Variants in ABCD3 observed in about 807,000 individuals in gnomAD.
ABCD3 encodes ATP binding cassette subfamily D member 3.
Under a neutral mutation model 105.5 loss-of-function variants are expected in ABCD3, and 41 were observed. That is an observed-to-expected ratio of 0.39 (90% CI 0.30 to 0.50). ABCD3 has a LOEUF of 0.50. ABCD3 is among the 20% of genes least tolerant of loss of function. ABCD3 has a pLI of 0.84. For synonymous variants in ABCD3, 258 were observed against 269.0 expected (o/e 0.96, Z 0.40); for missense variants, 622 against 806.3 (o/e 0.77, Z 2.77).
chr1:94,499,105 T>G, intron 19 of ABCD3, 71 bp downstream of exon 19: 1 of 1,351,804 alleles, frequency 7.4e-7, no homozygotes, highest in Non-Finnish European at 1.1e-6. Context: ...ATTAAGTATT[T>G]TAAATGCCAG....
At chr1:94,423,744 CCCTGTTG>C (rs1235174748) in intron 1 of ABCD3, among the ~76,000 whole-genome samples, 1 of 152,044 alleles carries the variant, frequency 6.6e-6, no homozygotes, top group African/African-American at 2.4e-5. Context: ...TGAGTCTCAG[CCCTGTTG>C]CCTGCTGCTG....
At chr1:94,391,619 G>C in the ABCD3 span, among the ~76,000 whole-genome samples, 1 of 152,052 alleles carries the variant, frequency 6.6e-6, no homozygotes, top group African/African-American at 2.4e-5. Flanking sequence ...AATAATGAGT[G>C]CTCCTTAGCA....
the ABCD3 span, among the ~76,000 whole-genome samples, chr1:94,400,357 T>C: frequency 6.7e-6 from 1 of 149,868 alleles, no homozygotes; most frequent in African/African-American, 2.5e-5. Flanking sequence ...TGAGCCGAGA[T>C]CGCGCCACTG....
At chr1:94,479,777 A>AG (rs1243574136) in intron 8 of ABCD3, among the ~76,000 whole-genome samples, 1 of 152,020 alleles carries the variant, frequency 6.6e-6, no homozygotes, top group Non-Finnish European at 1.5e-5. Context: ...TAGGGTATAT[A>AG]GGGGAATGAG....
At position 94,428,762 on chromosome 1, in the gene ABCD3, C is replaced by CT. The variant is rs371061462; in HGVS notation, c.110+10184dup. On this transcript the variant is annotated intron_variant, in intron 1 of 22. Coordinates refer to ENST00000370214, the MANE Select transcript of ABCD3 (RefSeq NM_002858.4). ...TGTGGAACTGTGAGTCCAATTGAAC[C>CT]TTTTTTTTTTGTAAAGTGCCCAGTC... is the stretch of plus-strand genomic sequence containing the variant. 8.5e-3 allele frequency among the ~76,000 whole-genome samples: 1,265 copies of CT among 148,618 alleles called. 14 individuals are homozygous for CT. The highest frequency in any genetic ancestry group is 0.03 in the African/African-American group (1,203 of 40,568).
chr1:94,406,506 G>A, the ABCD3 span: 1 of 398,256 alleles, frequency 2.5e-6, no homozygotes, highest in South Asian at 2.1e-5. Context: ...TTGAATCCAG[G>A]TACCTTTCTC....
At chr1:94,394,325 A>C in the ABCD3 span, among the ~76,000 whole-genome samples, 1 of 152,230 alleles carries the variant, frequency 6.6e-6, no homozygotes, top group Non-Finnish European at 1.5e-5. Context: ...GAGAGTTGAC[A>C]TAGCCCTGTA....
At chr1:94,509,450 T>C (rs1650544956) in intron 21 of ABCD3, among the ~76,000 whole-genome samples, 1 of 152,164 alleles carries the variant, frequency 6.6e-6, no homozygotes. Context: ...AAAATTCTCT[T>C]TTTTTGGTTG....
rs1311089167 is a variant in ABCD3, at chr1:94,473,907, C to G, written c.405+72C>G. 4 of 1,209,908 alleles carry G rather than the reference C, an allele frequency of 3.3e-6. No homozygotes were observed. In the East Asian group the frequency reaches 9.9e-5, roughly 30 times the overall value. The allele number at this position is 1,209,908 out of a possible 1,614,324, so 74.9% of individuals were successfully genotyped here. ...CTTATTAAAATCTTTAAGGGTTTTA[C>G]TTATTAAATTCTTTAAAGACTTATG... On this transcript the variant is annotated intron_variant, in intron 5 of 22. Transcript: ENST00000370214.
chr1:94,446,052 A>AC (rs1660334055), intron 1 of ABCD3, among the ~76,000 whole-genome samples: 2 of 152,216 alleles, frequency 1.3e-5, no homozygotes, highest in African/African-American at 4.8e-5. Flanking sequence ...AAAAGAATGT[A>AC]GAAAAAATCA....
chr1:94,488,351 G>A (rs569698676), intron 13 of ABCD3, among the ~76,000 whole-genome samples: 1 of 151,570 alleles, frequency 6.6e-6, no homozygotes, highest in African/African-American at 2.4e-5. Flanking sequence ...CTTAGATACC[G>A]GCAACCTAGC....
the ABCD3 span, chr1:94,406,481 A>G: frequency 2.4e-6 from 1 of 423,308 alleles, no homozygotes; most frequent in Non-Finnish European, 4.7e-6. Flanking sequence ...TGGGTGGAAC[A>G]GGCTGGCGCT....
intron 1 of ABCD3, among the ~76,000 whole-genome samples, chr1:94,453,511 G>A (rs959732674): frequency 1.3e-5 from 2 of 151,452 alleles, no homozygotes; most frequent in African/African-American, 4.8e-5. Flanking sequence ...GTAGAGATGG[G>A]GTTTCACCTT....
chr1:94,418,546 T>C lies in ABCD3; in HGVS notation c.68T>C (p.Leu23Pro). The change falls in exon 1 of 23, where the codon CTC becomes CCC. Residue 23 changes from leucine to proline, a missense_variant. This residue lies in a region of ABCD3 where 89 missense variants were observed against 77.5 expected (regional missense o/e 1.15). Transcript: ENST00000370214. ...CTGGCTGGTGCCGCGTTCCTGCTGC[T>C]CTGCCTGCTCCACAAGCGGCGCCGC... is the stretch of plus-strand genomic sequence containing the variant. ...SSLAGAAFLL[L>P]CLLHKRRRAL... The C allele has an allele frequency of 6.2e-7, 1 of 1,605,088 alleles. No homozygotes were observed. Among genetic ancestry groups the C allele is most frequent in the Non-Finnish European group, 8.5e-7 (1 of 1,179,232 alleles).
intron 11 of ABCD3, 30 bp from the exon 12 acceptor site, chr1:94,487,664 C>G: frequency 6.2e-7 from 1 of 1,612,796 alleles, no homozygotes; most frequent in East Asian, 2.2e-5. Flanking sequence ...AATACTGTTA[C>G]TGTTTTAAAT....
rs71094302 is a variant in ABCD3, at chr1:94,496,694, G to GTTTT, written c.1387-1882_1387-1879dup. Among the ~76,000 whole-genome samples the GTTTT allele has an allele frequency of 7.4e-4, 29 of 39,370 alleles. 1 individual carries two copies. Among genetic ancestry groups the GTTTT allele is most frequent in the East Asian group, 1.1e-3 (1 of 928 alleles). 25.8% of individuals were successfully genotyped at this position (39,370 alleles called of 152,430 possible). A position where few individuals can be genotyped will look rare whatever the true frequency, so the allele number is the denominator to read the frequency against. On this transcript the variant is annotated intron_variant, in intron 16 of 22. Coordinates refer to ENST00000370214, the MANE Select transcript of ABCD3 (RefSeq NM_002858.4). Reference sequence around the variant, plus strand: ...CTTCAGTAAAATCAGCCTTGTTTCTGTTTTTTTTTTTTTTTTTTTTTTTTT... The same window carrying GTTTT: ...CTTCAGTAAAATCAGCCTTGTTTCTGTTTTTTTTTTTTTTTTTTTTTTTTTTTTT...
the ABCD3 span, among the ~76,000 whole-genome samples, chr1:94,390,577 A>G: frequency 1.3e-5 from 2 of 152,270 alleles, no homozygotes; most frequent in South Asian, 4.1e-4. Flanking sequence ...TGCTGGGATT[A>G]CAGGTGTGTG....
At chr1:94,407,094 G>A in the ABCD3 span, among the ~76,000 whole-genome samples, 1 of 151,964 alleles carries the variant, frequency 6.6e-6, no homozygotes, top group Admixed American at 6.6e-5. Context: ...ATTGCATTAA[G>A]CTTATAAATT....
At chr1:94,436,088 GC>G (rs1659890773) in intron 1 of ABCD3, among the ~76,000 whole-genome samples, 1 of 152,122 alleles carries the variant, frequency 6.6e-6, no homozygotes, top group Non-Finnish European at 1.5e-5. Context: ...AGAAGAGGTT[GC>G]TTCCTTTTAT....
Sources: gnomAD v4.1 joint callset for allele counts (sites outside exome capture counted in the v4.1 genomes callset) on GRCh38, gnomAD v4.1.1 for gene constraint, gnomAD v4.1.1 regional missense constraint, MANE v1.5 for transcripts, NCBI Gene and HGNC (gene_info 2026-07-23, HGNC 2026-07-21) for gene names.